PDGFRB: variants seen among roughly 807,000 people sequenced by gnomAD.
PDGFRB encodes the protein platelet-derived growth factor receptor beta.
A neutral mutation model predicts 120.2 loss-of-function variants in PDGFRB; 42 were observed. The ratio of observed to expected loss-of-function variants is 0.35; its 90% CI spans 0.27 to 0.45. PDGFRB has a LOEUF of 0.45. PDGFRB is among the 20% of genes least tolerant of loss of function. The probability of loss-of-function intolerance (pLI) is 1.00; values close to 1 mark genes in which losing one functional copy is unlikely to be tolerated. For missense variants in PDGFRB, 1,149 were observed against 1,476.3 expected (o/e 0.78, Z 3.63); for synonymous variants, 586 against 606.8 (o/e 0.97, Z 0.50).
Position 150,120,923 on chromosome 5 carries a change from T to C in PDGFRB, c.2551A>G (p.Ile851Val), listed in dbSNP as rs746559329. 6.2e-7 allele frequency: 1 copy of C among 1,613,974 alleles called. No homozygotes were observed. Residue 851 changes from isoleucine to valine, a missense_variant, in exon 18 of 23, where the codon ATC becomes GTC. Around this residue, in one of 3 missense-constraint regions of PDGFRB, gnomAD observed 68 missense variants for 153.3 expected, o/e 0.44. Transcript: ENST00000261799. The surrounding 1 kb of genome is among the most constrained non-coding windows in gnomAD (Gnocchi z 4.3). ...KICDFGLARD[I>V]MRDSNYISKG... Reference sequence around the variant, plus strand: ...GAGATGTAATTCGAGTCCCGCATGATGTCTCGAGCCAGGCCAAAGTCACAG... The same window carrying C: ...GAGATGTAATTCGAGTCCCGCATGACGTCTCGAGCCAGGCCAAAGTCACAG...
intron 2 of PDGFRB, among the ~76,000 whole-genome samples, chr5:150,136,343 G>A (rs1760631731): frequency 6.6e-6 from 1 of 152,198 alleles, no homozygotes; most frequent in African/African-American, 2.4e-5. Context: ...TCAGAGGGGG[G>A]CCAGAAAAGA....
At chr5:150,122,268 G>A in intron 15 of PDGFRB, 1 of 527,368 alleles carries the variant, frequency 1.9e-6, no homozygotes, top group East Asian at 3.1e-5. Context: ...CTCACACCCA[G>A]AGGCGATTAC....
chr5:150,142,557 AG>A (rs1227382485), intron 1 of PDGFRB, among the ~76,000 whole-genome samples: 1 of 151,558 alleles, frequency 6.6e-6, no homozygotes, highest in African/African-American at 2.4e-5. Context: ...CAGACTTTGG[AG>A]GGGGGTTGGG....
Position 150,132,810 on chromosome 5 carries a change from G to A in PDGFRB, c.1067C>T (p.Thr356Ile), listed in dbSNP as rs774697563. 1.7e-5 allele frequency: 28 copies of A among 1,612,650 alleles called. No individual in the cohort carries two copies. The highest frequency in any genetic ancestry group is 2.3e-5 in the Non-Finnish European group (27 of 1,179,584). ...PTVLWFKDNR[T>I]LGDSSAGEIA... ...TTCGCCAGCGCTGGAGTCGCCCAGGGTGCGGTTGTCTTTGAACCACAGGAC... is the reference window on the plus strand; with the variant it reads ...TTCGCCAGCGCTGGAGTCGCCCAGGATGCGGTTGTCTTTGAACCACAGGAC... The change falls in exon 7 of 23, where the codon ACC (threonine) becomes ATC (isoleucine). Residue 356 changes from threonine (T) to isoleucine (I), a missense_variant. Transcript: ENST00000261799. The surrounding 1 kb of genome is among the most constrained non-coding windows in gnomAD (Gnocchi z 5.0).
At position 150,115,177 on chromosome 5, in the gene PDGFRB, G is replaced by A. The variant is rs996383143; in HGVS notation, c.*586C>T. On this transcript the variant is annotated 3_prime_UTR_variant, in exon 23 of 23. Coordinates refer to ENST00000261799, the MANE Select transcript of PDGFRB (RefSeq NM_002609.4). Reference sequence around the variant, plus strand: ...CTGCCTAATGGCCCCAGACCAGCTCGGGCCAGGGAACGCAGGGACTGGCAT... The same window carrying A: ...CTGCCTAATGGCCCCAGACCAGCTCAGGCCAGGGAACGCAGGGACTGGCAT... 8 of 233,012 alleles carry A rather than the reference G, an allele frequency of 3.4e-5. No individual in the cohort carries two copies. Among genetic ancestry groups the A allele is most frequent in the East Asian group, 6.0e-5 (1 of 16,562 alleles). The allele number at this position is 233,012 out of a possible 1,614,324, so 14.4% of individuals were successfully genotyped here. A position where few individuals can be genotyped will look rare whatever the true frequency, so the allele number is the denominator to read the frequency against.
chr5:150,120,819 C>T lies in PDGFRB; in HGVS notation c.2586+69G>A. 2.0e-6 allele frequency: 3 copies of T among 1,476,558 alleles called. No homozygotes were observed. Among genetic ancestry groups the T allele is most frequent in the Non-Finnish European group, 2.8e-6 (3 of 1,060,146 alleles). The allele number at this position is 1,476,558 out of a possible 1,614,324, so 91.5% of individuals were successfully genotyped here. ...TCCTATGAGCTGCAGCCACACTGGT[C>T]AGGAGGGAATCTGTTCCTGCGGTCA... On this transcript the variant is annotated intron_variant, in intron 18 of 22. Transcript: ENST00000261799. This position sits in a 1 kb window ranked among gnomAD's most constrained non-coding sequence, Gnocchi z 4.3.
At chr5:150,124,869 G>A (rs768758938) in intron 12 of PDGFRB, 38 bp from the exon 13 acceptor site, 11 of 1,097,342 alleles carry the variant, frequency 1.0e-5, no homozygotes, top group Non-Finnish European at 1.1e-5. Context: ...TGGCCTACCA[G>A]GAAGCTGCAC....
At chr5:150,140,113 G>C (rs1760740085) in intron 1 of PDGFRB, among the ~76,000 whole-genome samples, 1 of 152,112 alleles carries the variant, frequency 6.6e-6, no homozygotes, top group Non-Finnish European at 1.5e-5. Flanking sequence ...GGAGGGCAGA[G>C]AAGGGCTTAG....
rs1759914399 is a variant in PDGFRB at position 150,115,890 on chromosome 5, T to G, written c.3194A>C (p.Glu1065Ala). The G allele has an allele frequency of 1.2e-6, 2 of 1,607,150 alleles. No individual in the cohort carries two copies. The highest frequency in any genetic ancestry group is 3.4e-5 in the Admixed American group (2 of 59,334). ...CTCTGGCTCTGGTTCGTCCTGGGGC[T>G]CCAGGGGGCTGTCACAGGAGATGGT... ...SSTISCDSPL[E>A]PQDEPEPEPQ... Residue 1065 changes from glutamate to alanine, a missense_variant, in exon 23 of 23, where the codon GAG (glutamate) becomes GCG (alanine). Coordinates refer to ENST00000261799, the MANE Select transcript of PDGFRB (RefSeq NM_002609.4).
Position 150,121,253 on chromosome 5 carries a change from C to A in PDGFRB, c.2414G>T (p.Gly805Val). Reference protein sequence around the residue: ...SPVLSYMDLVGFSYQVANGME... With the variant: ...SPVLSYMDLVVFSYQVANGME... The stretch of plus-strand genomic sequence containing the variant: ...GCCATTGGCCACCTGGTAGCTGAAG[C>A]CCACGAGGTCCATGTAGCTTAGCAC... The change falls in exon 17 of 23, where the codon GGC becomes GTC. Residue 805 changes from glycine (G) to valine (V), a missense_variant. By Grantham distance (109) the Gly-to-Val change is moderately radical. This residue lies in a region of PDGFRB where 879 missense variants were observed against 1,108.6 expected (regional missense o/e 0.79). Transcript: ENST00000261799. The surrounding 1 kb of genome is among the most constrained non-coding windows in gnomAD (Gnocchi z 4.1). 6.2e-7 allele frequency: 1 copy of A among 1,607,546 alleles called. No homozygotes were observed. The highest frequency in any genetic ancestry group is 8.5e-7 in the Non-Finnish European group (1 of 1,174,080).
Position 150,132,309 on chromosome 5 carries a change from G to T in PDGFRB, c.1128-215C>A, listed in dbSNP as rs945028891. ...GAGGGAGGGTTGAGATGAACTGTGG[G>T]TGGGGGTGGGGAGCATTGAAGGAAA... On this transcript the variant is annotated intron_variant, in intron 7 of 22. Transcript: ENST00000261799. This position sits in a 1 kb window ranked among gnomAD's most constrained non-coding sequence, Gnocchi z 5.0. Among the ~76,000 whole-genome samples the T allele has an allele frequency of 7.9e-5, 12 of 152,186 alleles. No homozygotes were observed. Among genetic ancestry groups the T allele is most frequent in the African/African-American group, 2.4e-4 (10 of 41,436 alleles).
At chr5:150,124,142 C>G (rs1188251324) in intron 14 of PDGFRB, 108 bp downstream of exon 14, 1 of 698,496 alleles carries the variant, frequency 1.4e-6, no homozygotes, top group Non-Finnish European at 2.4e-6. Flanking sequence ...GGGCACGGAC[C>G]CTCCAGCAGG....
rs1455836053 is a variant in PDGFRB at position 150,135,122 on chromosome 5, G to A, written c.365-106C>T. On this transcript the variant is annotated intron_variant, in intron 3 of 22. Coordinates refer to ENST00000261799, the MANE Select transcript of PDGFRB (RefSeq NM_002609.4). ...GCCATCTCTGGCCCTCTGTCTCCCC[G>A]TTACAGAATAGGGATGCTCCCAGAA... The A allele has an allele frequency of 8.0e-5, 52 of 651,700 alleles. No individual in the cohort carries two copies. The East Asian group carries it at 9.1e-4, about 11-fold the overall frequency. The allele number at this position is 651,700 out of a possible 1,614,324, so 40.4% of individuals were successfully genotyped here.
chr5:150,144,416 C>A (rs1035826179), intron 1 of PDGFRB, among the ~76,000 whole-genome samples: 2 of 152,194 alleles, frequency 1.3e-5, no homozygotes, highest in South Asian at 4.1e-4. Flanking sequence ...CAGGCCCTCA[C>A]ACTCGTCACT....
At chr5:150,124,615 C>A (rs1233944306) in intron 13 of PDGFRB, 112 bp downstream of exon 13, 7 of 633,472 alleles carry the variant, frequency 1.1e-5, no homozygotes, top group Non-Finnish European at 1.4e-5. Context: ...AGTGTGATGG[C>A]CCCTCTAGTG....
At chr5:150,119,310 G>A (rs78503974) in intron 20 of PDGFRB, among the ~76,000 whole-genome samples, 157 bp downstream of exon 20, 1 of 87,138 alleles carries the variant, frequency 1.1e-5, no homozygotes, top group African/African-American at 3.4e-5. Flanking sequence ...AGAACAAGAG[G>A]TTCCTGATGC....
In PDGFRB at chr5:150,121,303, T is replaced by C. The variant is rs1760126797; in HGVS notation, c.2364A>G (p.Arg788=). 6.3e-7 allele frequency: 1 copy of C among 1,581,834 alleles called. No homozygotes were observed. The highest frequency in any genetic ancestry group is 1.3e-5 in the African/African-American group (1 of 74,266). Residue 788 remains arginine (R), a synonymous_variant, in exon 17 of 23, where the codon CGA becomes CGG. Coordinates refer to ENST00000261799, the MANE Select transcript of PDGFRB (RefSeq NM_002609.4). This position sits in a 1 kb window ranked among gnomAD's most constrained non-coding sequence, Gnocchi z 4.1. The part of the protein sequence containing the change: ...YVPSAPERTC[R]ATLINESPVL... ...CTGGAGACTCGTTGATCAAAGTTGC[T>C]CGGCAGGTCCTCTCAGGGGCTAGAG...
chr5:150,126,519 C>T lies in PDGFRB; in HGVS notation c.1674+1G>A. 1 of 1,561,658 alleles carries T rather than the reference C, an allele frequency of 6.4e-7. No homozygotes were observed. The highest frequency in any genetic ancestry group is 1.1e-5 in the South Asian group (1 of 90,100). On this transcript the variant is annotated splice_donor_variant, in intron 11 of 22. Transcript: ENST00000261799. LOFTEE classifies it high-confidence loss of function. ...ACCCACTGGGCCAGGGAGGGGCTTA[C>T]CTTCTGCCAAAGCATGATGAGGATG...
intron 1 of PDGFRB, among the ~76,000 whole-genome samples, chr5:150,141,996 C>T (rs1347134080): frequency 6.6e-6 from 1 of 151,938 alleles, no homozygotes; most frequent in Non-Finnish European, 1.5e-5. Flanking sequence ...TGGGGGCAGG[C>T]AGTCTCAGGC....
Sources: allele counts gnomAD v4.1 joint callset (sites outside exome capture counted in the v4.1 genomes callset), GRCh38; gene constraint gnomAD v4.1.1; regional missense constraint gnomAD v4.1.1; non-coding constraint Gnocchi (gnomAD v3.1); transcripts MANE v1.5; gene names NCBI Gene and HGNC (gene_info 2026-07-23, HGNC 2026-07-21).